STK10: variants seen among roughly 807,000 people sequenced by gnomAD.
STK10 encodes serine/threonine kinase 10.
A neutral mutation model predicts 113.8 loss-of-function variants in STK10; 78 were observed. The ratio of observed to expected loss-of-function variants is 0.69; its 90% CI spans 0.57 to 0.83. STK10 has a LOEUF of 0.83. Ranked by LOEUF, STK10 falls within the 40% of genes least tolerant of loss-of-function variation. STK10 has a pLI of 0.00. For synonymous variants in STK10, 465 were observed against 494.7 expected, an observed-to-expected ratio of 0.94 and a Z score of 0.80; for missense variants, 1,109 against 1,280.1, an observed-to-expected ratio of 0.87 and a Z score of 2.04.
At chr5:172,083,437 CAT>C (rs550420240) in intron 10 of STK10, among the ~76,000 whole-genome samples, 79 of 152,114 alleles carry the variant, frequency 5.2e-4, no homozygotes, top group Non-Finnish European at 1.1e-3. Flanking sequence ...ATGTAGAAAA[CAT>C]AATGCAGAAA....
At chr5:172,166,613 C>A (rs1770575825) in intron 1 of STK10, among the ~76,000 whole-genome samples, 1 of 152,168 alleles carries the variant, frequency 6.6e-6, no homozygotes, top group South Asian at 2.1e-4. Flanking sequence ...CTATGGAATT[C>A]TTCTGCCAAA....
chr5:172,060,322 G>A (rs1767905572), intron 14 of STK10, among the ~76,000 whole-genome samples: 1 of 152,172 alleles, frequency 6.6e-6, no homozygotes, highest in Non-Finnish European at 1.5e-5. Flanking sequence ...TCAGAGGACT[G>A]CTTGAGCCTC....
At chr5:172,047,614 A>G (rs1767518117) in intron 18 of STK10, among the ~76,000 whole-genome samples, 1 of 152,172 alleles carries the variant, frequency 6.6e-6, no homozygotes, top group Non-Finnish European at 1.5e-5. Context: ...GGAGGCCTCA[A>G]TTCAAGGACT....
At chr5:172,104,268 G>T (rs1269169257) in intron 7 of STK10, among the ~76,000 whole-genome samples, 2 of 152,196 alleles carry the variant, frequency 1.3e-5, no homozygotes, top group African/African-American at 4.8e-5. Flanking sequence ...TCCATCAGTG[G>T]CAGTGACATG....
intron 12 of STK10, among the ~76,000 whole-genome samples, chr5:172,069,320 C>T (rs1008982227): frequency 6.6e-6 from 1 of 151,826 alleles, no homozygotes; most frequent in African/African-American, 2.4e-5. Flanking sequence ...AAGATTTAGA[C>T]AGGTTAAATT....
chr5:172,102,507 T>C (rs1367063863), intron 7 of STK10, among the ~76,000 whole-genome samples: 1 of 151,648 alleles, frequency 6.6e-6, no homozygotes, highest in Non-Finnish European at 1.5e-5. Flanking sequence ...TGCGTGGAGA[T>C]GGAGGGAGGG....
Position 172,120,445 on chromosome 5 carries a change from G to A in STK10, c.371-2815C>T, listed in dbSNP as rs1190309380. Among the ~76,000 whole-genome samples, 1 of 152,128 alleles carries A rather than the reference G, an allele frequency of 6.6e-6. No homozygotes were observed. Among genetic ancestry groups the A allele is most frequent in the Non-Finnish European group, 1.5e-5 (1 of 68,010 alleles). On this transcript the variant is annotated intron_variant, in intron 3 of 18. Transcript: ENST00000176763. The surrounding 1 kb of genome is among the most constrained non-coding windows in gnomAD (Gnocchi z 4.0). ...CCAGGGACCCTTCTCTCTGGAGTCC[G>A]CAAGCTGCCTGCCCCCTGTCCCTGT...
intron 12 of STK10, among the ~76,000 whole-genome samples, chr5:172,077,763 GGT>G (rs1768343872): frequency 7.0e-6 from 1 of 142,582 alleles, no homozygotes; most frequent in East Asian, 2.0e-4. Context: ...TTTTTTTTTT[GGT>G]GTGTGTTTCC....
chr5:172,118,656 G>A (rs1176171316), intron 3 of STK10, among the ~76,000 whole-genome samples: 1 of 151,858 alleles, frequency 6.6e-6, no homozygotes, highest in East Asian at 1.9e-4. Flanking sequence ...GAGGCGGGGG[G>A]GATCACGAGG....
intron 1 of STK10, among the ~76,000 whole-genome samples, chr5:172,167,582 A>G (rs1017791062): frequency 6.6e-6 from 1 of 152,196 alleles, no homozygotes; most frequent in Non-Finnish European, 1.5e-5. Context: ...GAGAGAGACC[A>G]CTTCATCTGA....
chr5:172,052,051 TGTGG>T (rs1767640438), intron 18 of STK10, among the ~76,000 whole-genome samples: 1 of 152,288 alleles, frequency 6.6e-6, no homozygotes, highest in East Asian at 1.9e-4. Context: ...CTCCTCTGCG[TGTGG>T]GTGGAACCTC....
chr5:172,127,883 T>C (rs907714041), intron 2 of STK10, among the ~76,000 whole-genome samples: 1 of 152,220 alleles, frequency 6.6e-6, no homozygotes, highest in South Asian at 2.1e-4. Context: ...TCCAGAACCC[T>C]GGACCTTGCT....
rs949338619 is a variant in STK10, at chr5:172,188,164, C to A, written c.-122G>T. The stretch of plus-strand genomic sequence containing the variant: ...GCGTCTCTCGGGGTTCTCCCCAGAC[C>A]CGCCTTTCCCCGCAGCCCGACCTCG... On this transcript the variant is annotated 5_prime_UTR_variant, in exon 1 of 19. Transcript: ENST00000176763. The surrounding 1 kb of genome is among the most constrained non-coding windows in gnomAD (Gnocchi z 5.6). 6.3e-6 allele frequency: 9 copies of A among 1,436,266 alleles called. No individual in the cohort carries two copies. The African/African-American group carries it at 1.0e-4, about 16-fold the overall frequency. The allele number at this position is 1,436,266 out of a possible 1,614,324, so 89.0% of individuals were successfully genotyped here.
intron 2 of STK10, among the ~76,000 whole-genome samples, chr5:172,140,130 G>A (rs1452204833): frequency 2.0e-5 from 3 of 151,820 alleles, no homozygotes; most frequent in South Asian, 2.1e-4. Flanking sequence ...AATGAAGGAC[G>A]TGAATGGACA....
At chr5:172,114,468 TATA>T (rs1179079195) in intron 4 of STK10, 18 of 40,224 alleles carry the variant, frequency 4.5e-4, no homozygotes, top group African/African-American at 2.0e-3. Flanking sequence ...TATATATATA[TATA>T]TATTTTTTTT....
intron 2 of STK10, among the ~76,000 whole-genome samples, chr5:172,140,209 C>A (rs559959587): frequency 3.9e-4 from 59 of 152,228 alleles, no homozygotes; most frequent in African/African-American, 1.4e-3. Flanking sequence ...CTAATCATCA[C>A]GGAAAGGCAA....
chr5:172,105,796 C>G lies in STK10; in HGVS notation c.789-59G>C, dbSNP rs937743880. ...GAGGCAAGAGCAGAGAGAAGCCCCCCACGTCACAGACTCCACTGTCCCAAT... is the reference window on the plus strand; with the variant it reads ...GAGGCAAGAGCAGAGAGAAGCCCCCGACGTCACAGACTCCACTGTCCCAAT... On this transcript the variant is annotated intron_variant, in intron 6 of 18. Transcript: ENST00000176763. 19 of 1,476,160 alleles carry G rather than the reference C, an allele frequency of 1.3e-5. No homozygotes were observed. The Admixed American group carries it at 2.2e-4, about 17-fold the overall frequency. The allele number at this position is 1,476,160 out of a possible 1,614,324, so 91.4% of individuals were successfully genotyped here. A position where few individuals can be genotyped will look rare whatever the true frequency, so the allele number is the denominator to read the frequency against.
rs1769804768 is a variant in STK10, at chr5:172,133,937, A to G, written c.322-6516T>C. Among the ~76,000 whole-genome samples the G allele has an allele frequency of 6.6e-6, 1 of 152,204 alleles. No individual in the cohort carries two copies. Among genetic ancestry groups the G allele is most frequent in the Non-Finnish European group, 1.5e-5 (1 of 68,040 alleles). ...CAACGGCTCTCCAACTTGAACGTTC[A>G]GCAGAGTGCTTGTTAAAACAGATCA... On this transcript the variant is annotated intron_variant, in intron 2 of 18. Coordinates refer to ENST00000176763, the MANE Select transcript of STK10 (RefSeq NM_005990.4). This position sits in a 1 kb window ranked among gnomAD's most constrained non-coding sequence, Gnocchi z 4.9.
chr5:172,090,368 C>A lies in STK10; in HGVS notation c.1555-6G>T. The A allele has an allele frequency of 6.2e-7, 1 of 1,613,046 alleles. No individual in the cohort carries two copies. The highest frequency in any genetic ancestry group is 2.2e-5 in the East Asian group (1 of 44,836). On this transcript the variant is annotated splice_polypyrimidine_tract_variant and splice_region_variant and intron_variant, in intron 9 of 18. Coordinates refer to ENST00000176763, the MANE Select transcript of STK10 (RefSeq NM_005990.4). ...TTTTTGTACAGTTTCGGGTCCTGGC[C>A]AGGGAAAACCATTAGACAAGTCTCA...
Sources: gnomAD v4.1 joint callset for allele counts (sites outside exome capture counted in the v4.1 genomes callset) on GRCh38, gnomAD v4.1.1 for gene constraint, Gnocchi (gnomAD v3.1) non-coding constraint, MANE v1.5 for transcripts, NCBI Gene and HGNC (gene_info 2026-07-23, HGNC 2026-07-21) for gene names.